The following ROCK2 variants were observed in gnomAD, a reference collection of about 807,000 sequenced individuals.
The protein encoded by ROCK2 is rho-associated protein kinase 2.
In ROCK2, 61 loss-of-function variants were observed where a neutral mutation model predicts 195.1. That is an observed-to-expected ratio of 0.31 (90% CI 0.25 to 0.39). ROCK2 has a LOEUF of 0.39. Among genes scored for constraint, ROCK2 ranks in the 10% least tolerant of loss-of-function variants. ROCK2 has a pLI of 1.00. For synonymous variants in ROCK2, 504 were observed against 545.5 expected (o/e 0.92, Z 1.06); for missense variants, 1,109 against 1,637.4 (o/e 0.68, Z 5.57).
chr2:11,323,845 C>T (rs1033310105), intron 1 of ROCK2, among the ~76,000 whole-genome samples: 4 of 152,126 alleles, frequency 2.6e-5, no homozygotes, highest in African/African-American at 9.7e-5. Context: ...ACTGACACAT[C>T]ATTATCCCCC....
chr2:11,280,462 GAAAAAAA>G (rs767122690), intron 3 of ROCK2, among the ~76,000 whole-genome samples: 6 of 92,510 alleles, frequency 6.5e-5, no homozygotes, highest in Non-Finnish European at 9.1e-5. Flanking sequence ...CATCTCTACA[GAAAAAAA>G]AAAAAAAAAA....
chr2:11,318,401 T>G (rs1277949454), intron 1 of ROCK2, among the ~76,000 whole-genome samples: 12 of 152,196 alleles, frequency 7.9e-5, no homozygotes, highest in African/African-American at 2.2e-4. Context: ...GTTGGCTGCA[T>G]AAATGTCTTC....
chr2:11,333,018 G>A (rs1668816729), intron 1 of ROCK2, among the ~76,000 whole-genome samples: 1 of 152,140 alleles, frequency 6.6e-6, no homozygotes. Context: ...TGGGATTCAG[G>A]ATTGACTGCA....
intron 1 of ROCK2, among the ~76,000 whole-genome samples, chr2:11,312,093 T>C (rs1391628518): frequency 6.6e-6 from 1 of 152,206 alleles, no homozygotes; most frequent in Admixed American, 6.5e-5. Flanking sequence ...GCCACTCTTC[T>C]CACTAAACTT....
At chr2:11,284,840 A>G (rs1281728772) in intron 3 of ROCK2, among the ~76,000 whole-genome samples, 2 of 152,158 alleles carry the variant, frequency 1.3e-5, no homozygotes, top group East Asian at 1.9e-4. Context: ...TATCTGGCCA[A>G]TGTTCTTTCC....
chr2:11,337,389 T>C (rs1045933922), intron 1 of ROCK2, among the ~76,000 whole-genome samples: 1 of 152,142 alleles, frequency 6.6e-6, no homozygotes, highest in Non-Finnish European at 1.5e-5. Context: ...AATGACCCAA[T>C]GTTTTTTAAT....
chr2:11,194,134 A>C, intron 29 of ROCK2, 122 bp downstream of exon 29: 1 of 471,826 alleles, frequency 2.1e-6, no homozygotes, highest in East Asian at 3.4e-5. Flanking sequence ...TGTATGAAGC[A>C]AATCACAGGA....
intron 1 of ROCK2, among the ~76,000 whole-genome samples, chr2:11,307,400 G>A (rs927268883): frequency 3.9e-5 from 6 of 152,136 alleles, no homozygotes; most frequent in African/African-American, 1.4e-4. Flanking sequence ...TGCAACCTCC[G>A]CCTCCCAGGT....
intron 5 of ROCK2, among the ~76,000 whole-genome samples, chr2:11,232,325 C>T (rs1665045713): frequency 6.6e-6 from 1 of 152,036 alleles, no homozygotes; most frequent in Admixed American, 6.6e-5. Context: ...AACGGGGGTT[C>T]ACCTTGTTTC....
chr2:11,219,588 T>G (rs994271878), intron 9 of ROCK2, among the ~76,000 whole-genome samples: 1 of 152,118 alleles, frequency 6.6e-6, no homozygotes, highest in African/African-American at 2.4e-5. Flanking sequence ...GTCTTTAATT[T>G]TGTTTGCACC....
intron 4 of ROCK2, among the ~76,000 whole-genome samples, chr2:11,236,485 A>T (rs762300625): frequency 6.6e-6 from 1 of 152,006 alleles, no homozygotes; most frequent in African/African-American, 2.4e-5. Context: ...AAGACGCGTA[A>T]CTCTTCTCTC....
Position 11,309,683 on chromosome 2 carries a change from T to C in ROCK2, c.142-21947A>G, listed in dbSNP as rs528484710. 4.6e-5 allele frequency among the ~76,000 whole-genome samples: 7 copies of C among 152,280 alleles called. No individual in the cohort carries two copies. The East Asian group carries it at 1.3e-3, about 29-fold the overall frequency. On this transcript the variant is annotated intron_variant, in intron 1 of 32. Coordinates refer to ENST00000315872, the MANE Select transcript of ROCK2 (RefSeq NM_004850.5). ...ATGTTCCTAATATGAAACCAATCAATTACTGTATTACATCAGCTGGACTTG... is the reference window on the plus strand; with the variant it reads ...ATGTTCCTAATATGAAACCAATCAACTACTGTATTACATCAGCTGGACTTG...
chr2:11,299,039 C>T (rs1241920665), intron 1 of ROCK2, among the ~76,000 whole-genome samples: 1 of 151,604 alleles, frequency 6.6e-6, no homozygotes, highest in Non-Finnish European at 1.5e-5. Flanking sequence ...GAGACCCAGG[C>T]GGGCAGATCA....
chr2:11,215,192 C>T, intron 15 of ROCK2, 106 bp from the exon 16 acceptor site: 3 of 1,489,454 alleles, frequency 2.0e-6, no homozygotes, highest in Non-Finnish European at 2.7e-6. Context: ...TAAACAAAAA[C>T]CTAAAAATAT....
chr2:11,207,776 A>T lies in ROCK2; in HGVS notation c.2499T>A (p.His833Gln). Residue 833 changes from histidine (H) to glutamine (Q), a missense_variant, in exon 20 of 33, where the codon CAT (histidine) becomes CAA (glutamine). This residue lies in a region of ROCK2 where 542 missense variants were observed against 672.0 expected (regional missense o/e 0.81). Coordinates refer to ENST00000315872, the MANE Select transcript of ROCK2 (RefSeq NM_004850.5). ...CCAAGTTCATTTTCATTTCCATGAGATGGTTATTTTCTTGCTTTAACTGCT... is the reference window on the plus strand; with the variant it reads ...CCAAGTTCATTTTCATTTCCATGAGTTGGTTATTTTCTTGCTTTAACTGCT... ...SEKQLKQENN[H>Q]LMEMKMNLEK... 6.2e-7 allele frequency: 1 copy of T among 1,609,014 alleles called. No homozygotes were observed. Among genetic ancestry groups the T allele is most frequent in the Non-Finnish European group, 8.5e-7 (1 of 1,176,932 alleles).
intron 3 of ROCK2, among the ~76,000 whole-genome samples, chr2:11,284,355 G>A (rs1667113573): frequency 6.6e-6 from 1 of 152,100 alleles, no homozygotes; most frequent in Non-Finnish European, 1.5e-5. Context: ...AAACCTATAG[G>A]ATGTACACCA....
chr2:11,204,442 A>T (rs36072395), intron 20 of ROCK2, among the ~76,000 whole-genome samples: 73,615 of 151,864 alleles, frequency 0.48, 18,968 homozygotes, highest in Admixed American at 0.56. Flanking sequence ...TTTCATTTAT[A>T]TGCTGAGTCC....
intron 17 of ROCK2, among the ~76,000 whole-genome samples, chr2:11,213,234 T>C (rs1190868968): frequency 1.3e-5 from 2 of 152,198 alleles, no homozygotes; most frequent in African/African-American, 2.4e-5. Context: ...CTCAAATCTT[T>C]TCTCCACACA....
At chr2:11,311,761 G>A (rs1405258109) in intron 1 of ROCK2, among the ~76,000 whole-genome samples, 4 of 149,662 alleles carry the variant, frequency 2.7e-5, no homozygotes, top group African/African-American at 5.1e-5. Flanking sequence ...AAGCGCACAC[G>A]CGCGTGCACA....
Sources: gnomAD v4.1 joint callset for allele counts (sites outside exome capture counted in the v4.1 genomes callset) on GRCh38, gnomAD v4.1.1 for gene constraint, gnomAD v4.1.1 regional missense constraint, MANE v1.5 for transcripts, NCBI Gene and HGNC (gene_info 2026-07-23, HGNC 2026-07-21) for gene names.